Variants in PPARGC1A observed in about 807,000 individuals in gnomAD.
PPARGC1A encodes the protein PPARG coactivator 1 alpha.
PPARGC1A carries 25 observed loss-of-function variants against 88.7 expected under a neutral mutation model. The observed-to-expected ratio is 0.28, with a 90% CI of 0.21 to 0.39. PPARGC1A has a LOEUF of 0.39. Ranked by LOEUF, PPARGC1A falls within the 10% of genes least tolerant of loss-of-function variation. The pLI, the probability that PPARGC1A is intolerant of heterozygous loss-of-function variation, is 1.00. For synonymous variants in PPARGC1A, 363 were observed against 355.6 expected (o/e 1.02, Z -0.24); for missense variants, 880 against 968.7 (o/e 0.91, Z 1.22).
the PPARGC1A span, among the ~76,000 whole-genome samples, chr4:23,943,521 A>G: frequency 6.6e-6 from 1 of 152,180 alleles, no homozygotes; most frequent in Non-Finnish European, 1.5e-5. Flanking sequence ...AGTTAATAAA[A>G]TGGTAAAACT....
At chr4:23,895,004 A>C (rs773123939), upstream of PPARGC1A, among the ~76,000 whole-genome samples, 1 of 152,058 alleles carries the variant, frequency 6.6e-6, no homozygotes. Flanking sequence ...GGCATATTAC[A>C]TATTGTCAAA....
the PPARGC1A span, among the ~76,000 whole-genome samples, chr4:24,430,419 G>A: frequency 2.0e-5 from 3 of 151,620 alleles, no homozygotes; most frequent in Admixed American, 6.6e-5. Flanking sequence ...CACCACGCCC[G>A]GCTAATTTTT....
At chr4:24,403,720 A>G in the PPARGC1A span, among the ~76,000 whole-genome samples, 1 of 152,212 alleles carries the variant, frequency 6.6e-6, no homozygotes, top group East Asian at 1.9e-4. Flanking sequence ...TGTAACTTCC[A>G]TGGTTAAATC....
At chr4:24,171,858 T>A in the PPARGC1A span, among the ~76,000 whole-genome samples, 3 of 152,220 alleles carry the variant, frequency 2.0e-5, no homozygotes. Flanking sequence ...AAAGTGACAA[T>A]CATGTCATGG....
the PPARGC1A span, among the ~76,000 whole-genome samples, chr4:24,165,925 T>TA: frequency 6.6e-6 from 1 of 152,074 alleles, no homozygotes; most frequent in Non-Finnish European, 1.5e-5. Flanking sequence ...TCACTTTAAA[T>TA]AAAAAACCAG....
chr4:24,159,489 G>T, the PPARGC1A span, among the ~76,000 whole-genome samples: 1 of 152,026 alleles, frequency 6.6e-6, no homozygotes. Context: ...GATTACAGGC[G>T]TGAGCCACTG....
chr4:23,897,366 A>G (rs1306945652), intron 1 of PPARGC1A, among the ~76,000 whole-genome samples: 1 of 152,212 alleles, frequency 6.6e-6, no homozygotes, highest in Non-Finnish European at 1.5e-5. Flanking sequence ...AGGAAAGTGC[A>G]TGGTAAGAAG....
chr4:24,444,363 C>G, the PPARGC1A span, among the ~76,000 whole-genome samples: 2 of 151,970 alleles, frequency 1.3e-5, no homozygotes, highest in Non-Finnish European at 2.9e-5. Flanking sequence ...AAGGAATTGC[C>G]ACAGTCAGAC....
chr4:24,472,898 G>T, the PPARGC1A span, among the ~76,000 whole-genome samples: 1 of 149,764 alleles, frequency 6.7e-6, no homozygotes, highest in Non-Finnish European at 1.5e-5. This position sits in a 1 kb window ranked among gnomAD's most constrained non-coding sequence, Gnocchi z 4.5. Flanking sequence ...GAGCGGGCGG[G>T]CGTGTGCGCG....
the PPARGC1A span, among the ~76,000 whole-genome samples, chr4:23,918,477 T>C: frequency 6.6e-6 from 1 of 152,114 alleles, no homozygotes; most frequent in African/African-American, 2.4e-5. Context: ...CCTCGGCCTC[T>C]CAAATTGCTG....
chr4:24,096,786 A>G, the PPARGC1A span, among the ~76,000 whole-genome samples: 1 of 152,220 alleles, frequency 6.6e-6, no homozygotes, highest in Non-Finnish European at 1.5e-5. Flanking sequence ...GATAAGCAGC[A>G]TATTAAGAAT....
At chr4:23,992,915 C>T in the PPARGC1A span, among the ~76,000 whole-genome samples, 2 of 152,010 alleles carry the variant, frequency 1.3e-5, no homozygotes, top group African/African-American at 4.8e-5. Flanking sequence ...ATTCACAAAG[C>T]ACTTTCTGAA....
At chr4:24,173,436 A>G in the PPARGC1A span, among the ~76,000 whole-genome samples, 1 of 152,100 alleles carries the variant, frequency 6.6e-6, no homozygotes, top group African/African-American at 2.4e-5. Flanking sequence ...GAGGTGCACA[A>G]CTGTAGTTCC....
chr4:24,317,555 T>TAAAAAAAAAAAAAAAAAAAAA, the PPARGC1A span, among the ~76,000 whole-genome samples: 6 of 22,220 alleles, frequency 2.7e-4, 2 homozygotes, highest in Non-Finnish European at 4.5e-4. Context: ...TTCAGAGGAC[T>TAAAAAAAAAAAAAAAAAAAAA]AAAAAAAAAA....
the PPARGC1A span, among the ~76,000 whole-genome samples, chr4:24,184,913 AG>A: frequency 1.4e-4 from 22 of 152,342 alleles, no homozygotes; most frequent in Non-Finnish European, 2.4e-4. Flanking sequence ...GTCAGGAAAA[AG>A]AAGCCTCAGA....
chr4:24,323,536 GAAC>G, the PPARGC1A span, among the ~76,000 whole-genome samples: 2 of 152,124 alleles, frequency 1.3e-5, no homozygotes, highest in Non-Finnish European at 2.9e-5. Context: ...GCCCACCAGA[GAAC>G]AACCCCCTTT....
chr4:24,027,735 G>A, the PPARGC1A span, among the ~76,000 whole-genome samples: 8 of 152,262 alleles, frequency 5.3e-5, no homozygotes, highest in Admixed American at 2.6e-4. Context: ...TGTCACAGGT[G>A]CGAAGGAAAA....
the PPARGC1A span, among the ~76,000 whole-genome samples, chr4:24,014,889 A>C: frequency 3.8e-4 from 58 of 152,302 alleles, 1 homozygote; most frequent in African/African-American, 1.3e-3. Flanking sequence ...TAACCTAATC[A>C]CAAAAGTGAC....
chr4:24,432,416 GCTAA>G, the PPARGC1A span, among the ~76,000 whole-genome samples: 2 of 152,182 alleles, frequency 1.3e-5, no homozygotes, highest in African/African-American at 4.8e-5. Context: ...TTGGAAGGTA[GCTAA>G]CCGAGGAGAG....
Sources: allele counts gnomAD v4.1 joint callset (sites outside exome capture counted in the v4.1 genomes callset), GRCh38; gene constraint gnomAD v4.1.1; non-coding constraint Gnocchi (gnomAD v3.1); transcripts MANE v1.5; gene names NCBI Gene and HGNC (gene_info 2026-07-23, HGNC 2026-07-21).